Variants in GTF2F2 observed in about 807,000 individuals in gnomAD.
GTF2F2 encodes the protein general transcription factor IIF subunit 2.
GTF2F2 carries 23 observed loss-of-function variants against 42.2 expected under a neutral mutation model. The observed-to-expected ratio is 0.55, with a 90% CI of 0.39 to 0.77. GTF2F2 has a LOEUF of 0.77. Among genes scored for constraint, GTF2F2 ranks in the 30% least tolerant of loss-of-function variants. GTF2F2 has a pLI of 0.00. For synonymous variants in GTF2F2, 105 were observed against 100.8 expected (o/e 1.04, Z -0.25); for missense variants, 261 against 287.2 (o/e 0.91, Z 0.66).
intron 6 of GTF2F2, among the ~76,000 whole-genome samples, chr13:45,265,036 G>A (rs1465996246): frequency 1.1e-4 from 16 of 152,160 alleles, no homozygotes; most frequent in South Asian, 4.1e-4. Context: ...CGAGGCGGGC[G>A]GATCACGAGG....
intron 2 of GTF2F2, among the ~76,000 whole-genome samples, chr13:45,139,369 C>T (rs1029600839): frequency 9.2e-5 from 14 of 152,318 alleles, no homozygotes; most frequent in South Asian, 4.1e-4. Flanking sequence ...TCTCTGTCCA[C>T]GCTCGTAATT....
chr13:45,255,645 TAC>T lies in GTF2F2; in HGVS notation c.486+2681_486+2682del, dbSNP rs900963179. 1.6e-4 allele frequency among the ~76,000 whole-genome samples: 25 copies of T among 152,244 alleles called. 1 individual carries two copies. The highest frequency in any genetic ancestry group is 1.0e-3 in the Admixed American group (16 of 15,276). ...AGTCTTTTCTACTGTTGGATGGGAA[TAC>T]ACACAGTTTTCTGAGAGCTACGTGT... On this transcript the variant is annotated intron_variant, in intron 6 of 7. Coordinates refer to ENST00000340473, the MANE Select transcript of GTF2F2 (RefSeq NM_004128.3).
At chr13:45,132,145 G>T (rs76354788) in intron 1 of GTF2F2, among the ~76,000 whole-genome samples, 2,483 of 152,148 alleles carry the variant, frequency 0.016, 35 homozygotes, top group African/African-American at 0.041. Context: ...ATTATCTATT[G>T]GTATATAACC....
rs145023128 is a variant in GTF2F2 at position 45,162,387 on chromosome 13, T to C, written c.304+10556T>C. ...CTCCTTTGAGTAACAGCCTTGCCACTGAACATTTGGAATCATACCAGCTTC... is the reference window on the plus strand; with the variant it reads ...CTCCTTTGAGTAACAGCCTTGCCACCGAACATTTGGAATCATACCAGCTTC... On this transcript the variant is annotated intron_variant, in intron 4 of 7. Transcript: ENST00000340473. Among the ~76,000 whole-genome samples, 323 of 152,348 alleles carry C rather than the reference T, an allele frequency of 2.1e-3. 4 individuals are homozygous for C. Among genetic ancestry groups the C allele is most frequent in the African/African-American group, 7.3e-3 (304 of 41,582 alleles).
chr13:45,126,245 C>CTTTTTTT (rs11383296), intron 1 of GTF2F2, among the ~76,000 whole-genome samples: 8 of 100,644 alleles, frequency 7.9e-5, no homozygotes, highest in African/African-American at 1.7e-4. Context: ...GGAAGAACGA[C>CTTTTTTT]TTTTTTTTTT....
intron 6 of GTF2F2, among the ~76,000 whole-genome samples, chr13:45,263,118 ATAAAT>A (rs1165367527): frequency 6.8e-6 from 1 of 146,832 alleles, no homozygotes; most frequent in Non-Finnish European, 1.5e-5. Context: ...TTATTTTTAA[ATAAAT>A]TTAAATAAAT....
intron 1 of GTF2F2, among the ~76,000 whole-genome samples, chr13:45,120,942 G>C (rs1052393157): frequency 6.6e-6 from 1 of 152,160 alleles, no homozygotes; most frequent in Non-Finnish European, 1.5e-5. Context: ...CTCTGAATCT[G>C]CCTGGACTAG....
At chr13:45,261,965 G>A (rs1488110156) in intron 6 of GTF2F2, among the ~76,000 whole-genome samples, 1 of 151,982 alleles carries the variant, frequency 6.6e-6, no homozygotes, top group East Asian at 1.9e-4. Flanking sequence ...TAACTTAATG[G>A]CCATGGAAAT....
intron 5 of GTF2F2, among the ~76,000 whole-genome samples, chr13:45,223,359 A>T (rs1436596867): frequency 6.6e-6 from 1 of 151,834 alleles, no homozygotes; most frequent in Admixed American, 6.6e-5. Flanking sequence ...TGCACCCCTT[A>T]TGAGGCTAAT....
intron 6 of GTF2F2, among the ~76,000 whole-genome samples, chr13:45,258,545 C>T (rs1437138881): frequency 3.3e-5 from 5 of 152,134 alleles, no homozygotes; most frequent in Non-Finnish European, 7.4e-5. Context: ...GCAAAGTGGC[C>T]CTTGACCTTT....
At chr13:45,244,077 G>C (rs903365796) in intron 5 of GTF2F2, among the ~76,000 whole-genome samples, 1 of 152,118 alleles carries the variant, frequency 6.6e-6, no homozygotes, top group Non-Finnish European at 1.5e-5. Context: ...TATGAACCAT[G>C]GTTATGTCGC....
chr13:45,250,238 A>G (rs1321526007), intron 5 of GTF2F2, among the ~76,000 whole-genome samples: 1 of 151,834 alleles, frequency 6.6e-6, no homozygotes, highest in Non-Finnish European at 1.5e-5. Flanking sequence ...TATTGTTAAT[A>G]GAGACAGGGT....
At chr13:45,165,238 C>T (rs559613652) in intron 4 of GTF2F2, among the ~76,000 whole-genome samples, 11 of 145,652 alleles carry the variant, frequency 7.6e-5, no homozygotes, top group Non-Finnish European at 1.0e-4. Context: ...ATGGAAAAAA[C>T]GGAGAAATAG....
chr13:45,241,577 C>CACAT (rs10699235), intron 5 of GTF2F2, among the ~76,000 whole-genome samples: 49,340 of 151,824 alleles, frequency 0.32, 10,177 homozygotes, highest in African/African-American at 0.59. Context: ...TTTAAATAGA[C>CACAT]ACGGCTAGTG....
chr13:45,144,688 G>A (rs1426869157), intron 2 of GTF2F2, among the ~76,000 whole-genome samples: 2 of 151,792 alleles, frequency 1.3e-5, no homozygotes. Flanking sequence ...TGATCCACCC[G>A]CCTCGGCCTC....
At chr13:45,219,818 A>G (rs1432996221) in intron 5 of GTF2F2, among the ~76,000 whole-genome samples, 1 of 152,236 alleles carries the variant, frequency 6.6e-6, no homozygotes, top group African/African-American at 2.4e-5. Context: ...AAGCCTCAAA[A>G]TGTCTAAAAC....
chr13:45,148,269 AC>A (rs1389294021), intron 2 of GTF2F2, among the ~76,000 whole-genome samples: 2 of 152,180 alleles, frequency 1.3e-5, no homozygotes, highest in Non-Finnish European at 2.9e-5. Flanking sequence ...AAATGTTTGT[AC>A]TTGTTATTCT....
intron 4 of GTF2F2, among the ~76,000 whole-genome samples, chr13:45,177,647 G>A (rs1174356400): frequency 6.6e-6 from 1 of 152,130 alleles, no homozygotes; most frequent in Non-Finnish European, 1.5e-5. Context: ...AAGTATGAGA[G>A]TAGTGATGCT....
intron 3 of GTF2F2, among the ~76,000 whole-genome samples, chr13:45,150,301 C>T (rs1014518641): frequency 6.6e-6 from 1 of 152,100 alleles, no homozygotes; most frequent in African/African-American, 2.4e-5. Context: ...TTTGAAAGAA[C>T]ACCTAGTATG....
Sources: gnomAD v4.1 joint callset for allele counts (sites outside exome capture counted in the v4.1 genomes callset) on GRCh38, gnomAD v4.1.1 for gene constraint, MANE v1.5 for transcripts, NCBI Gene and HGNC (gene_info 2026-07-23, HGNC 2026-07-21) for gene names.